The following COMMD1 variants were observed in gnomAD, a reference collection of about 807,000 sequenced individuals.
COMMD1 encodes the protein COMM domain-containing protein 1.
A neutral mutation model predicts 17.2 loss-of-function variants in COMMD1; 10 were observed. The ratio of observed to expected loss-of-function variants is 0.58; its 90% CI spans 0.36 to 0.99. The LOEUF is 0.99. Among genes scored for constraint, COMMD1 ranks in the 50% least tolerant of loss-of-function variants. COMMD1 has a pLI of 0.01. For synonymous variants in COMMD1, 97 were observed against 91.6 expected (o/e 1.06, Z -0.34); for missense variants, 270 against 231.8 (o/e 1.17, Z -1.07).
At chr2:62,020,436 T>C (rs1037450141) in intron 2 of COMMD1, among the ~76,000 whole-genome samples, 7 of 152,224 alleles carry the variant, frequency 4.6e-5, no homozygotes, top group African/African-American at 1.4e-4. Flanking sequence ...GGCTTTTTTT[T>C]GCAGCTGTGT....
At chr2:61,995,753 T>G (rs1668739437) in intron 1 of COMMD1, among the ~76,000 whole-genome samples, 1 of 152,222 alleles carries the variant, frequency 6.6e-6, no homozygotes, top group Non-Finnish European at 1.5e-5. Flanking sequence ...GAAAAATCAG[T>G]TGACTGCTTG....
chr2:61,889,202 C>CGTTTTT (rs1669351344), intron 1 of COMMD1, among the ~76,000 whole-genome samples: 1 of 54,786 alleles, frequency 1.8e-5, no homozygotes, highest in Non-Finnish European at 3.1e-5. Flanking sequence ...GAAGCCCGGC[C>CGTTTTT]TTTTTTTTTT....
intron 2 of COMMD1, among the ~76,000 whole-genome samples, chr2:62,098,665 C>T (rs924873021): frequency 6.6e-6 from 1 of 152,178 alleles, no homozygotes; most frequent in South Asian, 2.1e-4. Flanking sequence ...TTTGTTTGGG[C>T]GTATTTTACA....
intron 1 of COMMD1, among the ~76,000 whole-genome samples, chr2:61,919,011 A>T (rs1448914339): frequency 6.6e-6 from 1 of 152,120 alleles, no homozygotes; most frequent in Non-Finnish European, 1.5e-5. Flanking sequence ...TTGTAAGATT[A>T]ACTTTTTTTT....
At chr2:62,017,254 T>C (rs968939992) in intron 2 of COMMD1, among the ~76,000 whole-genome samples, 17 of 152,240 alleles carry the variant, frequency 1.1e-4, no homozygotes, top group Non-Finnish European at 1.3e-4. Context: ...TGAATTATGA[T>C]AAACCTAGTG....
At chr2:61,913,018 C>T (rs1434128588) in intron 1 of COMMD1, among the ~76,000 whole-genome samples, 5 of 152,040 alleles carry the variant, frequency 3.3e-5, no homozygotes, top group African/African-American at 1.2e-4. Flanking sequence ...TTTGCTTGTG[C>T]ATAGCCACTG....
chr2:61,970,369 G>T (rs1390046647), intron 1 of COMMD1, among the ~76,000 whole-genome samples: 1 of 152,074 alleles, frequency 6.6e-6, no homozygotes, highest in African/African-American at 2.4e-5. Context: ...TGGTGTCCAT[G>T]GGGAATTAGT....
intron 1 of COMMD1, among the ~76,000 whole-genome samples, chr2:61,993,512 A>G (rs573216952): frequency 1.1e-4 from 17 of 152,352 alleles, no homozygotes; most frequent in African/African-American, 4.1e-4. Flanking sequence ...ATATTTTAAA[A>G]TTGTACTTCA....
chr2:61,898,528 A>C (rs1669596478), intron 1 of COMMD1, among the ~76,000 whole-genome samples: 1 of 152,174 alleles, frequency 6.6e-6, no homozygotes, highest in Admixed American at 6.5e-5. Context: ...AATGTTAATA[A>C]CAGCAGAATT....
At chr2:61,902,710 C>T (rs1053611838), upstream of COMMD1, among the ~76,000 whole-genome samples, 2 of 151,938 alleles carry the variant, frequency 1.3e-5, no homozygotes, top group East Asian at 1.9e-4. Context: ...TAGCTGGGTA[C>T]GGTAGTGTGT....
At chr2:61,933,023 G>T (rs1352154080) in intron 1 of COMMD1, among the ~76,000 whole-genome samples, 1 of 152,122 alleles carries the variant, frequency 6.6e-6, no homozygotes, top group Non-Finnish European at 1.5e-5. Context: ...GGTAGTATAT[G>T]TGGAGGATTT....
At chr2:61,963,159 C>CAAA (rs1393298930) in intron 1 of COMMD1, among the ~76,000 whole-genome samples, 4,604 of 119,474 alleles carry the variant, frequency 0.039, 205 homozygotes, top group African/African-American at 0.095. Context: ...GACCCTGTCT[C>CAAA]AAAAAAAAAA....
At chr2:62,112,084 C>A (rs1438297609) in intron 2 of COMMD1, among the ~76,000 whole-genome samples, 1 of 152,168 alleles carries the variant, frequency 6.6e-6, no homozygotes, top group Non-Finnish European at 1.5e-5. Flanking sequence ...AAAGCAAGCA[C>A]AGAAATCCAG....
At chr2:62,070,003 A>T (rs1274170957) in intron 2 of COMMD1, 1 of 152,214 alleles carries the variant, frequency 6.6e-6, no homozygotes, top group Non-Finnish European at 1.5e-5. Context: ...CATAGACCCC[A>T]CAAGTTAGAG....
chr2:61,888,568 G>T, upstream of COMMD1: 5 of 1,575,540 alleles, frequency 3.2e-6, no homozygotes, highest in Admixed American at 3.5e-5. Flanking sequence ...ATTCTGGCCG[G>T]CCGCAGTGTA....
intron 1 of COMMD1, among the ~76,000 whole-genome samples, chr2:61,938,280 CA>C (rs36082372): frequency 0.013 from 1,607 of 127,658 alleles, 12 homozygotes; most frequent in South Asian, 0.037. Context: ...ATTAAGAGAC[CA>C]AAAAAAAAAA....
intron 1 of COMMD1, among the ~76,000 whole-genome samples, chr2:61,974,440 G>A (rs1181035823): frequency 6.6e-6 from 1 of 151,988 alleles, no homozygotes; most frequent in Admixed American, 6.6e-5. Context: ...TTTGGAGGCT[G>A]AGGCAGGTGG....
intron 2 of COMMD1, among the ~76,000 whole-genome samples, chr2:62,054,501 A>G (rs1233949526): frequency 1.3e-5 from 2 of 152,248 alleles, no homozygotes; most frequent in Non-Finnish European, 2.9e-5. Flanking sequence ...ATACAATTGG[A>G]TACTATTTAA....
intron 2 of COMMD1, among the ~76,000 whole-genome samples, chr2:62,062,480 G>A (rs1475903396): frequency 2.0e-5 from 3 of 151,620 alleles, no homozygotes; most frequent in East Asian, 1.9e-4. Flanking sequence ...CACTCAGCTC[G>A]GCCTCCCAAA....
Sources: allele counts gnomAD v4.1 joint callset (sites outside exome capture counted in the v4.1 genomes callset), GRCh38; gene constraint gnomAD v4.1.1; transcripts MANE v1.5; gene names NCBI Gene and HGNC (gene_info 2026-07-23, HGNC 2026-07-21).